BMPR2: variants seen among roughly 807,000 people sequenced by gnomAD.
BMPR2 encodes the protein bone morphogenetic protein receptor type-2.
A neutral mutation model predicts 100.8 loss-of-function variants in BMPR2; 29 were observed. That is an observed-to-expected ratio of 0.29 (90% confidence interval 0.21 to 0.39). The LOEUF is 0.39. BMPR2 is among the 10% of genes least tolerant of loss of function. The pLI is 1.00. For synonymous variants in BMPR2, 382 were observed against 442.3 expected (o/e 0.86, Z 1.71); for missense variants, 1,011 against 1,274.5 (o/e 0.79, Z 3.15).
chr2:202,384,292 C>A (rs1315817631), intron 1 of BMPR2, among the ~76,000 whole-genome samples: 2 of 152,226 alleles, frequency 1.3e-5, no homozygotes. Context: ...AAATACATTA[C>A]CCAAATTATC....
chr2:202,436,108 A>G (rs1691609240), intron 1 of BMPR2, among the ~76,000 whole-genome samples: 1 of 150,924 alleles, frequency 6.6e-6, no homozygotes, highest in Admixed American at 6.6e-5. Flanking sequence ...TAACTATAAA[A>G]TGGTACATCA....
chr2:202,451,074 A>G (rs1358160162), intron 1 of BMPR2, among the ~76,000 whole-genome samples: 1 of 152,226 alleles, frequency 6.6e-6, no homozygotes, highest in Non-Finnish European at 1.5e-5. Context: ...TAAAGATAAG[A>G]CATTTAGACT....
intron 9 of BMPR2, among the ~76,000 whole-genome samples, chr2:202,534,847 G>A (rs1337845050): frequency 8.8e-5 from 13 of 147,024 alleles, no homozygotes; most frequent in South Asian, 4.2e-4. Flanking sequence ...CTGGCCAGGC[G>A]GGGGGCTGAC....
intron 1 of BMPR2, among the ~76,000 whole-genome samples, chr2:202,393,845 G>T (rs1690599305): frequency 7.0e-6 from 1 of 142,436 alleles, no homozygotes; most frequent in Non-Finnish European, 1.5e-5. Flanking sequence ...AGAGTTTGTT[G>T]TTTAGAAGAT....
intron 3 of BMPR2, among the ~76,000 whole-genome samples, chr2:202,483,769 T>C (rs1036952170): frequency 6.6e-6 from 1 of 152,190 alleles, no homozygotes; most frequent in African/African-American, 2.4e-5. Flanking sequence ...GGTAATTCTT[T>C]ATTTGGTATT....
chr2:202,530,920 G>A lies in BMPR2; in HGVS notation c.1094G>A (p.Arg365His), dbSNP rs570953336. 1.7e-4 allele frequency: 267 copies of A among 1,614,004 alleles called. No homozygotes were observed. The highest frequency in any genetic ancestry group is 2.1e-4 in the Non-Finnish European group (252 of 1,180,016). ...SMRLTGNRLVRPGEEDNAAIS... is the reference protein window; with the variant it reads ...SMRLTGNRLVHPGEEDNAAIS... ...AGGCTGACTGGAAATAGACTGGTGC[G>A]CCCAGGGGAGGAAGATAATGCAGCC... The change falls in exon 8 of 13, where the codon CGC becomes CAC. Residue 365 changes from arginine (R) to histidine (H), a missense_variant. Physicochemically the swap from Arg to His is conservative, Grantham distance 29 (BLOSUM62 0). Transcript: ENST00000374580.
chr2:202,467,826 A>G, intron 3 of BMPR2, 137 bp downstream of exon 3: 1 of 859,146 alleles, frequency 1.2e-6, no homozygotes, highest in Non-Finnish European at 1.9e-6. Flanking sequence ...TGGGAGGCCG[A>G]GGTGGATGGA....
chr2:202,515,004 CTGT>C (rs749482218), intron 5 of BMPR2, 25 bp downstream of exon 5: 56 of 1,584,328 alleles, frequency 3.5e-5, no homozygotes, highest in Non-Finnish European at 4.8e-5. Context: ...AGATTATGGA[CTGT>C]TGTTTCTACT....
chr2:202,399,450 A>G (rs1690717678), intron 1 of BMPR2, among the ~76,000 whole-genome samples: 1 of 152,244 alleles, frequency 6.6e-6, no homozygotes, highest in African/African-American at 2.4e-5. Context: ...AGAGAGATGC[A>G]CAACAAGGGG....
chr2:202,424,580 C>T (rs1175848077), intron 1 of BMPR2, among the ~76,000 whole-genome samples: 1 of 151,714 alleles, frequency 6.6e-6, no homozygotes, highest in Non-Finnish European at 1.5e-5. Flanking sequence ...CCTGTAATCC[C>T]AGCTACTCTG....
intron 3 of BMPR2, among the ~76,000 whole-genome samples, chr2:202,480,078 A>G (rs1010691135): frequency 4.2e-4 from 64 of 151,990 alleles, no homozygotes; most frequent in Admixed American, 1.6e-3. Context: ...GACATTTTTA[A>G]TGAAGTCTAA....
chr2:202,415,735 G>A (rs944470478), intron 1 of BMPR2, among the ~76,000 whole-genome samples: 8 of 152,122 alleles, frequency 5.3e-5, no homozygotes, highest in African/African-American at 1.7e-4. Context: ...AATATTTTAA[G>A]CCCACCATTG....
chr2:202,407,568 C>T (rs928383483), intron 1 of BMPR2, among the ~76,000 whole-genome samples: 5 of 151,612 alleles, frequency 3.3e-5, no homozygotes, highest in African/African-American at 9.7e-5. Flanking sequence ...ATCAGGAGAT[C>T]GAGACCATCC....
chr2:202,482,571 C>T (rs1327609623), intron 3 of BMPR2, among the ~76,000 whole-genome samples: 3 of 150,384 alleles, frequency 2.0e-5, no homozygotes, highest in Non-Finnish European at 4.4e-5. Flanking sequence ...CGGAGTCTCA[C>T]TGTGTCGCCC....
chr2:202,559,387 C>T lies in BMPR2; in HGVS notation c.2867-309C>T, dbSNP rs113096670. On this transcript the variant is annotated intron_variant, in intron 12 of 12. Coordinates refer to ENST00000374580, the MANE Select transcript of BMPR2 (RefSeq NM_001204.7). ...TAAGTACATTTTACCAAGTTAAGAT[C>T]GCTACCAAAACCAGAAGATTTGAGA... Among the ~76,000 whole-genome samples the T allele has an allele frequency of 2.4e-3, 360 of 152,008 alleles. 1 individual carries two copies. Among genetic ancestry groups the T allele is most frequent in the African/African-American group, 8.0e-3 (330 of 41,432 alleles).
chr2:202,556,703 T>C (rs1688579133), intron 12 of BMPR2, among the ~76,000 whole-genome samples, 172 bp downstream of exon 12: 1 of 152,178 alleles, frequency 6.6e-6, no homozygotes, highest in Non-Finnish European at 1.5e-5. Context: ...TCCTAGCACT[T>C]TGGGAGGCCA....
chr2:202,432,019 G>A lies in BMPR2; in HGVS notation c.77-32790G>A, dbSNP rs575315569. On this transcript the variant is annotated intron_variant, in intron 1 of 12. Coordinates refer to ENST00000374580, the MANE Select transcript of BMPR2 (RefSeq NM_001204.7). Reference sequence around the variant, plus strand: ...ATAAATATAGGTACTTATATATTAAGTATAGGTATGTGTGTGCATATGTAC... The same window carrying A: ...ATAAATATAGGTACTTATATATTAAATATAGGTATGTGTGTGCATATGTAC... 1.3e-3 allele frequency among the ~76,000 whole-genome samples: 192 copies of A among 150,478 alleles called. 18 individuals carry two copies. Among genetic ancestry groups the A allele is most frequent in the African/African-American group, 4.1e-3 (163 of 39,976 alleles).
At chr2:202,548,633 C>T (rs1303445240) in intron 10 of BMPR2, among the ~76,000 whole-genome samples, 2 of 152,040 alleles carry the variant, frequency 1.3e-5, no homozygotes, top group African/African-American at 2.4e-5. Context: ...ATCCAACTTA[C>T]GTTTTCCTTC....
chr2:202,392,158 C>G (rs1212723751), intron 1 of BMPR2, among the ~76,000 whole-genome samples: 1 of 151,932 alleles, frequency 6.6e-6, no homozygotes, highest in East Asian at 1.9e-4. Context: ...GCGACCTCCG[C>G]CTGCCGGGTT....
Sources: gnomAD v4.1 joint callset for allele counts (sites outside exome capture counted in the v4.1 genomes callset) on GRCh38, gnomAD v4.1.1 for gene constraint, MANE v1.5 for transcripts, NCBI Gene and HGNC (gene_info 2026-07-23, HGNC 2026-07-21) for gene names.